Variants in RBFOX1 observed in about 807,000 individuals in gnomAD.
The protein encoded by RBFOX1 is RNA binding fox-1 homolog 1.
A neutral mutation model predicts 57.7 loss-of-function variants in RBFOX1; 8 were observed. The observed-to-expected ratio is 0.14, with a 90% CI of 0.08 to 0.25. RBFOX1 has a LOEUF of 0.25. Among genes scored for constraint, RBFOX1 ranks in the 10% least tolerant of loss-of-function variants. The probability of loss-of-function intolerance (pLI) is 1.00; values close to 1 mark genes in which losing one functional copy is unlikely to be tolerated. For synonymous variants in RBFOX1, 326 were observed against 222.4 expected (o/e 1.47, Z -4.15); for missense variants, 611 against 548.5 (o/e 1.11, Z -1.14).
chr16:6,875,797 G>A lies in RBFOX1; in HGVS notation c.-15-176260G>A, dbSNP rs1421795662. ...TGACAGCAGGATTATTTGAGGCCAG[G>A]AGTTCAAGACCAGTCTGGGGAACAT... On this transcript the variant is annotated intron_variant, in intron 3 of 15. Coordinates refer to ENST00000550418, the MANE Select transcript of RBFOX1 (RefSeq NM_018723.4). Among the ~76,000 whole-genome samples the A allele has an allele frequency of 2.0e-5, 3 of 152,096 alleles. No homozygotes were observed. In the South Asian group the frequency reaches 6.2e-4, roughly 32 times the overall value.
chr16:6,552,995 C>A (rs939149733), intron 2 of RBFOX1, among the ~76,000 whole-genome samples: 3 of 151,964 alleles, frequency 2.0e-5, no homozygotes, highest in East Asian at 3.9e-4. Context: ...CATCAGCTGC[C>A]CCCTGCAAGT....
At chr16:6,635,240 T>C (rs2098422355) in intron 2 of RBFOX1, among the ~76,000 whole-genome samples, 1 of 151,166 alleles carries the variant, frequency 6.6e-6, no homozygotes, top group Non-Finnish European at 1.5e-5. Flanking sequence ...TTTCAATTTA[T>C]ATATTCATCA....
intron 4 of RBFOX1, among the ~76,000 whole-genome samples, chr16:7,054,232 G>GGGT (rs2051202151): frequency 1.2e-4 from 4 of 32,700 alleles, no homozygotes; most frequent in African/African-American, 6.2e-4. Context: ...GGGGCGGGGA[G>GGGT]CTTTTTTTTT....
chr16:6,789,575 T>C (rs565000749), intron 3 of RBFOX1, among the ~76,000 whole-genome samples: 1 of 152,324 alleles, frequency 6.6e-6, no homozygotes, highest in African/African-American at 2.4e-5. Context: ...TCTGTATCCA[T>C]AGACAGTGGG....
At chr16:6,514,688 G>A (rs1012181295) in intron 2 of RBFOX1, among the ~76,000 whole-genome samples, 2 of 152,066 alleles carry the variant, frequency 1.3e-5, no homozygotes, top group African/African-American at 2.4e-5. Flanking sequence ...CTCCTGAAGT[G>A]TTCAAGGATC....
At chr16:5,421,860 A>G (rs2067338244) in intron 1 of RBFOX1, among the ~76,000 whole-genome samples, 1 of 152,196 alleles carries the variant, frequency 6.6e-6, no homozygotes, top group South Asian at 2.1e-4. Flanking sequence ...CGGCACCGGC[A>G]CACGTGAAGG....
Position 7,597,715 on chromosome 16 carries a change from C to T in RBFOX1, c.622+284C>T, listed in dbSNP as rs530639095. Among the ~76,000 whole-genome samples, 4 of 152,186 alleles carry T rather than the reference C, an allele frequency of 2.6e-5. No homozygotes were observed. The South Asian group carries it at 8.3e-4, about 32-fold the overall frequency. On this transcript the variant is annotated intron_variant, in intron 9 of 15. Transcript: ENST00000550418. ...TATTTGGAAATTAGTTTGCTAATTT[C>T]ATTGGTTATTACAGTAAGTTGAGGG...
chr16:6,709,532 T>C (rs1353077928), intron 3 of RBFOX1, among the ~76,000 whole-genome samples: 3 of 152,206 alleles, frequency 2.0e-5, no homozygotes, highest in Non-Finnish European at 4.4e-5. Context: ...ACATACTTCT[T>C]TCTACTTTTA....
At position 6,131,462 on chromosome 16, in the gene RBFOX1, G is replaced by A. The variant is rs556478403; in HGVS notation, c.-127+111470G>A. Among the ~76,000 whole-genome samples, 13 of 152,086 alleles carry A rather than the reference G, an allele frequency of 8.5e-5. 1 individual carries two copies. The highest frequency in any genetic ancestry group is 1.2e-4 in the African/African-American group (5 of 41,404). The stretch of plus-strand genomic sequence containing the variant: ...CTTTCTAGAAAGCTTACTACCCCTT[G>A]CTCTAGAGTCACTTATTTAAATGCA... On this transcript the variant is annotated intron_variant, in intron 1 of 15. Coordinates refer to ENST00000550418, the MANE Select transcript of RBFOX1 (RefSeq NM_018723.4).
chr16:5,836,460 C>G (rs1218202995), intron 3 of RBFOX1, among the ~76,000 whole-genome samples: 1 of 152,174 alleles, frequency 6.6e-6, no homozygotes, highest in East Asian at 1.9e-4. Context: ...GTTCTGCTCC[C>G]CATCTCAGTG....
intron 2 of RBFOX1, among the ~76,000 whole-genome samples, chr16:6,593,709 C>T (rs1012335782): frequency 5.9e-5 from 9 of 152,124 alleles, no homozygotes; most frequent in Non-Finnish European, 1.3e-4. Context: ...AAGATTTTTA[C>T]TTCTTATTTT....
intron 2 of RBFOX1, among the ~76,000 whole-genome samples, chr16:6,514,564 A>C (rs539533096): frequency 4.4e-4 from 67 of 152,296 alleles, no homozygotes; most frequent in African/African-American, 1.6e-3. Flanking sequence ...TTGAAAGTGT[A>C]GGCACGTATG....
At chr16:7,545,512 T>A (rs2084217200) in intron 5 of RBFOX1, among the ~76,000 whole-genome samples, 1 of 152,170 alleles carries the variant, frequency 6.6e-6, no homozygotes, top group Non-Finnish European at 1.5e-5. Context: ...CACAAGCCGC[T>A]AGCTGTGTTA....
At chr16:6,658,798 T>A (rs1382946426) in intron 3 of RBFOX1, among the ~76,000 whole-genome samples, 5 of 152,138 alleles carry the variant, frequency 3.3e-5, no homozygotes, top group Non-Finnish European at 7.3e-5. Context: ...TGAATGTACC[T>A]GCTTGGATGG....
chr16:7,010,419 G>T (rs1247342797), intron 3 of RBFOX1, among the ~76,000 whole-genome samples: 1 of 152,066 alleles, frequency 6.6e-6, no homozygotes, highest in Non-Finnish European at 1.5e-5. Flanking sequence ...ATATGCATTG[G>T]CCAGTGAGAC....
At position 7,224,127 on chromosome 16, in the gene RBFOX1, T is replaced by TAAAAAA. The variant is rs1168449932; in HGVS notation, c.27+172053_27+172058dup. On this transcript the variant is annotated intron_variant, in intron 4 of 15. Transcript: ENST00000550418. ...TTTCTATCCTGATTCTTCCTTTTTC[T>TAAAAAA]AAAAAAAAAAAAAAAAAAAAAAAAA... is the stretch of plus-strand genomic sequence containing the variant. Among the ~76,000 whole-genome samples, 247 of 52,254 alleles carry TAAAAAA rather than the reference T, an allele frequency of 4.7e-3. 33 individuals carry two copies. Among genetic ancestry groups the TAAAAAA allele is most frequent in the African/African-American group, 8.9e-3 (116 of 12,986 alleles). The allele number at this position is 52,254 out of a possible 152,430, so 34.3% of individuals were successfully genotyped here. A position where few individuals can be genotyped will look rare whatever the true frequency, so the allele number is the denominator to read the frequency against.
At chr16:7,426,482 A>G (rs2098614291) in intron 4 of RBFOX1, among the ~76,000 whole-genome samples, 1 of 152,216 alleles carries the variant, frequency 6.6e-6, no homozygotes, top group Admixed American at 6.5e-5. Flanking sequence ...CAACAGCGTG[A>G]GTTCCTGAGC....
At chr16:6,445,436 G>C (rs900130256) in intron 2 of RBFOX1, among the ~76,000 whole-genome samples, 13 of 151,938 alleles carry the variant, frequency 8.6e-5, no homozygotes, top group Non-Finnish European at 4.4e-5. Flanking sequence ...ATTGCGTTGA[G>C]ATCAACAATG....
At chr16:7,601,167 A>G (rs1329681959) in intron 9 of RBFOX1, among the ~76,000 whole-genome samples, 4 of 152,218 alleles carry the variant, frequency 2.6e-5, no homozygotes, top group Non-Finnish European at 5.9e-5. Flanking sequence ...TCAGCGCTCC[A>G]GAGAGAGGCA....
Sources: allele counts gnomAD v4.1 joint callset (sites outside exome capture counted in the v4.1 genomes callset), GRCh38; gene constraint gnomAD v4.1.1; transcripts MANE v1.5; gene names NCBI Gene and HGNC (gene_info 2026-07-23, HGNC 2026-07-21).